The following COMMD10 variants were observed in gnomAD, a reference collection of about 807,000 sequenced individuals.
The protein encoded by COMMD10 is COMM domain containing 10, also known as COMM domain-containing protein 10.
COMMD10 carries 33 observed loss-of-function variants against 28.9 expected under a neutral mutation model. That is an observed-to-expected ratio of 1.14 (90% CI 0.87 to 1.53). The LOEUF is 1.53. Among genes scored for constraint, COMMD10 ranks in the 40% most tolerant of loss-of-function variants. COMMD10 has a pLI of 0.00. For missense variants in COMMD10, 310 were observed against 233.4 expected (o/e 1.33, Z -2.14); for synonymous variants, 110 against 81.7 (o/e 1.35, Z -1.87).
chr5:116,093,985 T>C (rs1750386625), intron 4 of COMMD10, among the ~76,000 whole-genome samples: 1 of 152,152 alleles, frequency 6.6e-6, no homozygotes, highest in Admixed American at 6.5e-5. Context: ...CAGAAGAATG[T>C]AATGGCCCTT....
chr5:116,233,690 G>C (rs751012239), intron 5 of COMMD10, among the ~76,000 whole-genome samples: 20 of 152,132 alleles, frequency 1.3e-4, no homozygotes, highest in Admixed American at 4.6e-4. Context: ...AACATTCCAG[G>C]TAAAGAAATC....
chr5:116,163,294 A>G (rs1752978791), intron 5 of COMMD10, among the ~76,000 whole-genome samples: 1 of 151,850 alleles, frequency 6.6e-6, no homozygotes, highest in Non-Finnish European at 1.5e-5. Flanking sequence ...TTAAAAAAAG[A>G]TAAACCAGGG....
At chr5:116,174,943 CG>C (rs1753454066) in intron 5 of COMMD10, among the ~76,000 whole-genome samples, 1 of 152,054 alleles carries the variant, frequency 6.6e-6, no homozygotes, top group Non-Finnish European at 1.5e-5. Flanking sequence ...ATTAACTTTT[CG>C]TTTTTTTAAA....
intron 5 of COMMD10, among the ~76,000 whole-genome samples, chr5:116,219,840 G>GA (rs1424722475): frequency 2.6e-5 from 4 of 152,058 alleles, no homozygotes; most frequent in Non-Finnish European, 5.9e-5. Flanking sequence ...TCTAATTTGT[G>GA]AAAAAATCAT....
intron 5 of COMMD10, among the ~76,000 whole-genome samples, chr5:116,174,573 C>G (rs1165254348): frequency 6.6e-6 from 1 of 151,914 alleles, no homozygotes; most frequent in Non-Finnish European, 1.5e-5. Context: ...TGGTTTAGAC[C>G]AGAATGATGA....
At chr5:116,196,865 C>T (rs556089455) in intron 5 of COMMD10, among the ~76,000 whole-genome samples, 3 of 151,992 alleles carry the variant, frequency 2.0e-5, no homozygotes, top group Non-Finnish European at 2.9e-5. Context: ...CAGTAAGACA[C>T]TGAACAAAGC....
intron 5 of COMMD10, among the ~76,000 whole-genome samples, chr5:116,143,996 TTCAGATG>T (rs1192918281): frequency 3.3e-5 from 5 of 151,842 alleles, no homozygotes; most frequent in Admixed American, 3.3e-4. Flanking sequence ...CAGAGAAGTT[TTCAGATG>T]GAGGAAAAAG....
chr5:116,247,804 G>T (rs1749992840), intron 5 of COMMD10, among the ~76,000 whole-genome samples: 1 of 151,912 alleles, frequency 6.6e-6, no homozygotes, highest in African/African-American at 2.4e-5. Flanking sequence ...AAACTCTGGG[G>T]TCTATTGGAG....
intron 5 of COMMD10, among the ~76,000 whole-genome samples, chr5:116,192,830 A>G (rs1479266304): frequency 1.3e-5 from 2 of 152,212 alleles, no homozygotes; most frequent in African/African-American, 2.4e-5. Flanking sequence ...TGGGAAATTT[A>G]TCACAAAGAG....
At chr5:116,180,238 C>A (rs1439498378) in intron 5 of COMMD10, among the ~76,000 whole-genome samples, 1 of 151,956 alleles carries the variant, frequency 6.6e-6, no homozygotes, top group Non-Finnish European at 1.5e-5. Flanking sequence ...TGGAATAATA[C>A]GTACATTCAG....
At chr5:116,243,378 C>G (rs1170514059) in intron 5 of COMMD10, among the ~76,000 whole-genome samples, 1 of 152,058 alleles carries the variant, frequency 6.6e-6, no homozygotes, top group East Asian at 1.9e-4. Context: ...TATCTTACAT[C>G]CACTGCCAGA....
At position 116,241,298 on chromosome 5, in the gene COMMD10, G is replaced by C. The variant is rs563864108; in HGVS notation, c.511-50219G>C. 2.0e-4 allele frequency among the ~76,000 whole-genome samples: 30 copies of C among 152,272 alleles called. No individual in the cohort carries two copies. In the East Asian group the frequency reaches 5.0e-3, roughly 25 times the overall value. ...ACCACTAAAAATAAAACTGAAGGTAGAGGATTAGGTTAGACCCTGGAGCAA... is the reference window on the plus strand; with the variant it reads ...ACCACTAAAAATAAAACTGAAGGTACAGGATTAGGTTAGACCCTGGAGCAA... On this transcript the variant is annotated intron_variant, in intron 5 of 6. Transcript: ENST00000274458.
chr5:116,170,273 A>G (rs1403673364), intron 5 of COMMD10, among the ~76,000 whole-genome samples: 1 of 152,176 alleles, frequency 6.6e-6, no homozygotes, highest in African/African-American at 2.4e-5. Context: ...TAGAAATACA[A>G]CTTACAAGGG....
intron 5 of COMMD10, among the ~76,000 whole-genome samples, chr5:116,288,328 G>T (rs533106158): frequency 1.6e-4 from 24 of 151,736 alleles, no homozygotes; most frequent in Non-Finnish European, 3.1e-4. Context: ...TATTATGGAA[G>T]CTCCCTCATA....
intron 5 of COMMD10, among the ~76,000 whole-genome samples, chr5:116,254,180 TTCTC>T (rs997214340): frequency 1.3e-5 from 2 of 152,246 alleles, no homozygotes; most frequent in East Asian, 1.9e-4. Context: ...TATTTGATTC[TTCTC>T]TCTTTTTTTC....
At chr5:116,153,739 A>G (rs1027861590) in intron 5 of COMMD10, among the ~76,000 whole-genome samples, 4 of 152,126 alleles carry the variant, frequency 2.6e-5, no homozygotes, top group Non-Finnish European at 2.9e-5. Flanking sequence ...AGTGTGGGCC[A>G]TGGCTTCTCT....
chr5:116,151,673 A>C (rs960979467), intron 5 of COMMD10, among the ~76,000 whole-genome samples: 1 of 152,052 alleles, frequency 6.6e-6, no homozygotes, highest in Non-Finnish European at 1.5e-5. Flanking sequence ...CTCTGATGGT[A>C]CTTTGTATTT....
intron 4 of COMMD10, among the ~76,000 whole-genome samples, chr5:116,121,489 A>G (rs138306752): frequency 0.022 from 3,364 of 152,308 alleles, 136 homozygotes; most frequent in African/African-American, 0.077. Flanking sequence ...TCCTTTGGGT[A>G]TATACCCAGT....
intron 4 of COMMD10, among the ~76,000 whole-genome samples, chr5:116,098,746 G>A (rs1750549374): frequency 2.0e-5 from 3 of 152,126 alleles, no homozygotes; most frequent in Admixed American, 1.3e-4. Flanking sequence ...AAGAGGGTAA[G>A]ATCAATGAAA....
Sources: gnomAD v4.1 joint callset for allele counts (sites outside exome capture counted in the v4.1 genomes callset) on GRCh38, gnomAD v4.1.1 for gene constraint, MANE v1.5 for transcripts, NCBI Gene and HGNC (gene_info 2026-07-23, HGNC 2026-07-21) for gene names.